The following AMOTL1 variants were observed in gnomAD, a reference collection of about 807,000 sequenced individuals.
AMOTL1 encodes the protein angiomotin like 1, also known as angiomotin-like protein 1.
A neutral mutation model predicts 102.9 loss-of-function variants in AMOTL1; 45 were observed. The ratio of observed to expected loss-of-function variants is 0.44; its 90% confidence interval spans 0.34 to 0.56. The LOEUF is 0.56. AMOTL1 is among the 20% of genes least tolerant of loss of function. The pLI is 0.01. For missense variants in AMOTL1, 1,114 were observed against 1,225.6 expected, an observed-to-expected ratio of 0.91 and a Z score of 1.36; for synonymous variants, 481 against 484.7, an observed-to-expected ratio of 0.99 and a Z score of 0.10.
At chr11:94,870,316 A>C (rs1339571175) in intron 12 of AMOTL1, among the ~76,000 whole-genome samples, 4 of 152,164 alleles carry the variant, frequency 2.6e-5, no homozygotes, top group African/African-American at 9.7e-5. Flanking sequence ...CAAAGTAGAC[A>C]AGTAAATACA....
intron 4 of AMOTL1, among the ~76,000 whole-genome samples, chr11:94,827,992 T>G (rs866436200): frequency 6.6e-6 from 1 of 152,190 alleles, no homozygotes; most frequent in African/African-American, 2.4e-5. Flanking sequence ...TCTGATGTCA[T>G]CTGTCATCTG....
intron 4 of AMOTL1, among the ~76,000 whole-genome samples, chr11:94,829,221 C>CCTTTTTT (rs1463625162): frequency 7.4e-6 from 1 of 135,996 alleles, no homozygotes; most frequent in African/African-American, 2.7e-5. Flanking sequence ...TCCATTAATC[C>CCTTTTTT]TTTTTTTTTT....
At chr11:94,867,592 C>T (rs983751862) in intron 11 of AMOTL1, among the ~76,000 whole-genome samples, 19 of 151,096 alleles carry the variant, frequency 1.3e-4, no homozygotes, top group African/African-American at 3.7e-4. Context: ...TTGGTGTCCA[C>T]GTGTCACAAA....
chr11:94,864,427 A>G (rs746803271), intron 9 of AMOTL1, among the ~76,000 whole-genome samples: 51 of 152,244 alleles, frequency 3.3e-4, no homozygotes, highest in Non-Finnish European at 6.5e-4. Flanking sequence ...GCTTAATTCT[A>G]TCTAGTTAAG....
At chr11:94,857,567 A>C (rs1952693370) in intron 8 of AMOTL1, among the ~76,000 whole-genome samples, 1 of 152,124 alleles carries the variant, frequency 6.6e-6, no homozygotes, top group African/African-American at 2.4e-5. Flanking sequence ...AAAGAGAAAA[A>C]AGATAAAAGA....
At chr11:94,739,124 A>G (rs946225347) in intron 2 of AMOTL1, among the ~76,000 whole-genome samples, 1 of 152,340 alleles carries the variant, frequency 6.6e-6, no homozygotes, top group Non-Finnish European at 1.5e-5. Context: ...GGAGGCAAGT[A>G]ATGCAGCCTG....
chr11:94,799,910 C>T lies in AMOTL1; in HGVS notation c.720C>T (p.Asn240=), dbSNP rs760619452. Reference sequence around the variant, plus strand: ...GGAGGCCCACTGTGAACCGTGCCAACAGTGGACAGGCGCATAAGGACGAGG... The same window carrying T: ...GGAGGCCCACTGTGAACCGTGCCAATAGTGGACAGGCGCATAAGGACGAGG... ...TEGRPTVNRA[N]SGQAHKDEAL... Residue 240 remains asparagine (N), a synonymous_variant, in exon 3 of 13, where the codon AAC becomes AAT. Coordinates refer to ENST00000433060, the MANE Select transcript of AMOTL1 (RefSeq NM_130847.3). This position sits in a 1 kb window ranked among gnomAD's most constrained non-coding sequence, Gnocchi z 4.5. 5 of 1,608,480 alleles carry T rather than the reference C, an allele frequency of 3.1e-6. No homozygotes were observed. The African/African-American group carries it at 4.0e-5, about 13-fold the overall frequency.
At chr11:94,851,655 G>A (rs539028683) in intron 7 of AMOTL1, among the ~76,000 whole-genome samples, 4 of 152,294 alleles carry the variant, frequency 2.6e-5, no homozygotes, top group Non-Finnish European at 5.9e-5. Flanking sequence ...AGCAAGTCAC[G>A]TAACCTTGAA....
intron 2 of AMOTL1, among the ~76,000 whole-genome samples, chr11:94,738,284 G>T (rs1050690775): frequency 5.4e-5 from 8 of 148,452 alleles, no homozygotes; most frequent in African/African-American, 5.0e-5. Flanking sequence ...TTGAGACGGA[G>T]TCTTGCTCTG....
chr11:94,812,922 T>A (rs371530396), intron 3 of AMOTL1, among the ~76,000 whole-genome samples: 10 of 152,138 alleles, frequency 6.6e-5, no homozygotes, highest in African/African-American at 2.4e-4. Context: ...TCATCCACAT[T>A]CCATATCAAA....
chr11:94,731,749 T>C (rs1462287288), intron 2 of AMOTL1, among the ~76,000 whole-genome samples: 2 of 152,164 alleles, frequency 1.3e-5, no homozygotes, highest in Non-Finnish European at 2.9e-5. Flanking sequence ...AGCTCACAAA[T>C]GGCAGAGCTG....
chr11:94,795,080 C>T lies in AMOTL1; in HGVS notation c.119C>T (p.Pro40Leu), dbSNP rs1282181665. The T allele has an allele frequency of 1.2e-6, 2 of 1,613,734 alleles. No homozygotes were observed. Among genetic ancestry groups the T allele is most frequent in the Non-Finnish European group, 1.7e-6 (2 of 1,179,868 alleles). The change falls in exon 2 of 13, where the codon CCA (proline) becomes CTA (leucine). Residue 40 changes from proline to leucine, a missense_variant. Physicochemically the swap from Pro to Leu is moderately conservative, Grantham distance 98. Coordinates refer to ENST00000433060, the MANE Select transcript of AMOTL1 (RefSeq NM_130847.3). Reference protein sequence around the residue: ...QVLEDSTYFSPDFQLYSGRHE... With the variant: ...QVLEDSTYFSLDFQLYSGRHE... ...CTAGAAGACTCCACCTACTTTTCCC[C>T]AGACTTTCAGCTCTATTCTGGGAGG...
intron 4 of AMOTL1, among the ~76,000 whole-genome samples, chr11:94,826,800 A>G (rs146650938): frequency 2.0e-5 from 3 of 152,270 alleles, no homozygotes; most frequent in African/African-American, 7.2e-5. Context: ...TATCCATAGC[A>G]TGCACTGAAG....
chr11:94,756,483 C>CT (rs1322562434), intron 3 of AMOTL1, among the ~76,000 whole-genome samples: 2 of 152,180 alleles, frequency 1.3e-5, no homozygotes, highest in Admixed American at 1.3e-4. Flanking sequence ...AGCTATTACT[C>CT]TTATTCGGCT....
chr11:94,751,229 A>G (rs116265707), intron 3 of AMOTL1, among the ~76,000 whole-genome samples: 1 of 151,762 alleles, frequency 6.6e-6, no homozygotes, highest in Non-Finnish European at 1.5e-5. Flanking sequence ...ATATATATAT[A>G]TTTTTTTTAT....
At chr11:94,831,851 C>T (rs760038223) in intron 6 of AMOTL1, among the ~76,000 whole-genome samples, 27 of 152,296 alleles carry the variant, frequency 1.8e-4, no homozygotes, top group Admixed American at 4.6e-4. Flanking sequence ...AGATAAGTTA[C>T]AACCCTTTTT....
At chr11:94,745,952 C>A (rs1950585025) in intron 3 of AMOTL1, among the ~76,000 whole-genome samples, 1 of 152,132 alleles carries the variant, frequency 6.6e-6, no homozygotes, top group Non-Finnish European at 1.5e-5. Context: ...GTCCCTGGAG[C>A]CACATGTGGA....
intron 2 of AMOTL1, chr11:94,796,900 A>ATATATGTATATTAATACATC: frequency 3.4e-6 from 2 of 594,720 alleles, no homozygotes; most frequent in Non-Finnish European, 2.1e-6. Context: ...ATTAATATAC[A>ATATATGTATATTAATACATC]TATATGTATA....
chr11:94,731,123 C>T (rs1950343067), intron 2 of AMOTL1, among the ~76,000 whole-genome samples: 2 of 152,166 alleles, frequency 1.3e-5, no homozygotes, highest in East Asian at 3.8e-4. Flanking sequence ...AGACCTGTGT[C>T]TAGGTTTGCC....
Sources: gnomAD v4.1 joint callset for allele counts (sites outside exome capture counted in the v4.1 genomes callset) on GRCh38, gnomAD v4.1.1 for gene constraint, Gnocchi (gnomAD v3.1) non-coding constraint, MANE v1.5 for transcripts, NCBI Gene and HGNC (gene_info 2026-07-23, HGNC 2026-07-21) for gene names.